The following SNX31 variants were observed in gnomAD, a reference collection of about 807,000 sequenced individuals.
The protein encoded by SNX31 is sorting nexin 31.
SNX31 carries 58 observed loss-of-function variants against 65.4 expected under a neutral mutation model. That is an observed-to-expected ratio of 0.89 (90% confidence interval 0.72 to 1.10). The LOEUF (loss-of-function observed/expected upper bound fraction) is 1.10, where lower values mean the gene tolerates loss of function less well. SNX31 is among the 50% of genes least tolerant of loss of function. SNX31 has a pLI of 0.00. For synonymous variants in SNX31, 181 were observed against 190.1 expected, an observed-to-expected ratio of 0.95 and a Z score of 0.39; for missense variants, 523 against 529.7, an observed-to-expected ratio of 0.99 and a Z score of 0.12.
At chr8:100,658,598 G>A (rs1337238870) in intron 1 of SNX31, among the ~76,000 whole-genome samples, 3 of 152,168 alleles carry the variant, frequency 2.0e-5, no homozygotes, top group African/African-American at 4.8e-5. Context: ...ACTACTGTTT[G>A]CACTTTACTG....
At position 100,612,999 on chromosome 8, in the gene SNX31, G is replaced by C. The variant is rs1335060732; in HGVS notation, c.519C>G (p.Leu173=). The C allele has an allele frequency of 1.2e-6, 2 of 1,613,666 alleles. No homozygotes were observed. The highest frequency in any genetic ancestry group is 1.7e-6 in the Non-Finnish European group (2 of 1,179,764). ...FLIRFGKEGK[L]SVVKKLADFE... The stretch of plus-strand genomic sequence containing the variant: ...CATTTGTTCCTTCCTTCTTACCAGA[G>C]AGCTTGCCCTCCTTGCCAAACCGAA... The change falls in exon 6 of 14, where the codon CTC becomes CTG. Residue 173 remains leucine, a synonymous_variant. Transcript: ENST00000311812. The surrounding 1 kb of genome is among the most constrained non-coding windows in gnomAD (Gnocchi z 4.3).
At position 100,613,230 on chromosome 8, in the gene SNX31, G is replaced by A. The variant is rs2131040782; in HGVS notation, c.433-145C>T. On this transcript the variant is annotated intron_variant, in intron 5 of 13. Transcript: ENST00000311812. This position sits in a 1 kb window ranked among gnomAD's most constrained non-coding sequence, Gnocchi z 5.2. ...GTGAACACTCAAAGAAAGCTTTTTG[G>A]AATCAAAAAATGGTATCCATCTTAG... The A allele has an allele frequency of 1.6e-6, 1 of 614,132 alleles. No individual in the cohort carries two copies. Among genetic ancestry groups the A allele is most frequent in the Non-Finnish European group, 2.9e-6 (1 of 350,858 alleles). The allele number at this position is 614,132 out of a possible 1,614,324, so 38.0% of individuals were successfully genotyped here.
rs555278613 is a variant in SNX31, at chr8:100,615,975, T to C, written c.432+1645A>G. On this transcript the variant is annotated intron_variant, in intron 5 of 13. Coordinates refer to ENST00000311812, the MANE Select transcript of SNX31 (RefSeq NM_152628.4). ...TTTTTCAGTAGAGATGTGGTCTCAC[T>C]GTGTTAGCCAGAATGGTCTCGATCT... Among the ~76,000 whole-genome samples, 731 of 152,234 alleles carry C rather than the reference T, an allele frequency of 4.8e-3. 9 individuals carry two copies. The highest frequency in any genetic ancestry group is 0.016 in the African/African-American group (661 of 41,534).
intron 4 of SNX31, among the ~76,000 whole-genome samples, chr8:100,628,670 A>T (rs1362950629): frequency 6.6e-6 from 1 of 152,142 alleles, no homozygotes; most frequent in Admixed American, 6.6e-5. Flanking sequence ...CAGCACACCA[A>T]CATGGCACAT....
intron 8 of SNX31, among the ~76,000 whole-genome samples, chr8:100,601,018 C>T (rs1815573879): frequency 6.6e-6 from 1 of 151,998 alleles, no homozygotes; most frequent in Non-Finnish European, 1.5e-5. Flanking sequence ...TGGCAATTGA[C>T]AAAATAGAGT....
chr8:100,605,726 C>G (rs1246001791), intron 8 of SNX31, among the ~76,000 whole-genome samples: 2 of 152,138 alleles, frequency 1.3e-5, no homozygotes, highest in East Asian at 3.9e-4. Context: ...TAGCTTTGAG[C>G]AGAGGAAGTA....
chr8:100,624,300 A>G (rs544639361), intron 4 of SNX31, among the ~76,000 whole-genome samples: 69 of 152,332 alleles, frequency 4.5e-4, no homozygotes, highest in African/African-American at 1.6e-3. Flanking sequence ...TAAAACGAAG[A>G]ATGAGAGATA....
Position 100,596,666 on chromosome 8 carries a change from C to G in SNX31, c.951G>C (p.Arg317Ser), listed in dbSNP as rs1409561922. The change falls in exon 10 of 14, where the codon AGG becomes AGC. Residue 317 changes from arginine to serine, a missense_variant. By Grantham distance (110) the Arg-to-Ser change is moderately radical (BLOSUM62 -1). Coordinates refer to ENST00000311812, the MANE Select transcript of SNX31 (RefSeq NM_152628.4). Reference sequence around the variant, plus strand: ...GGAAAGTGACCTGCCAGCACTTCACCCTGCTCATCTGGAAAACGATGTCCT... The same window carrying G: ...GGAAAGTGACCTGCCAGCACTTCACGCTGCTCATCTGGAAAACGATGTCCT... Reference protein sequence around the residue: ...QTQDIVFQMSRVKCWQVTFLG... With the variant: ...QTQDIVFQMSSVKCWQVTFLG... 1.2e-6 allele frequency: 2 copies of G among 1,614,140 alleles called. No individual in the cohort carries two copies. Among genetic ancestry groups the G allele is most frequent in the Non-Finnish European group, 1.7e-6 (2 of 1,180,018 alleles).
At chr8:100,605,807 G>A (rs1013613165) in intron 8 of SNX31, among the ~76,000 whole-genome samples, 2 of 152,080 alleles carry the variant, frequency 1.3e-5, no homozygotes, top group Non-Finnish European at 2.9e-5. Context: ...TATGATGCTC[G>A]AAGCTCTGAC....
intron 4 of SNX31, among the ~76,000 whole-genome samples, chr8:100,621,406 G>T (rs1404281503): frequency 6.6e-6 from 1 of 152,240 alleles, no homozygotes; most frequent in Non-Finnish European, 1.5e-5. Flanking sequence ...GTAGAAGAGA[G>T]TTAATATTTG....
At chr8:100,585,725 A>G (rs1046168002) in intron 11 of SNX31, among the ~76,000 whole-genome samples, 5 of 152,206 alleles carry the variant, frequency 3.3e-5, no homozygotes, top group African/African-American at 1.2e-4. Context: ...ATAATAAAAT[A>G]AACAACAAAA....
chr8:100,587,113 T>G (rs1018730538), intron 11 of SNX31, among the ~76,000 whole-genome samples: 1 of 152,188 alleles, frequency 6.6e-6, no homozygotes, highest in Admixed American at 6.5e-5. Context: ...CAATGGTTCA[T>G]GCTTACTCTA....
At chr8:100,623,625 A>G (rs770430490) in intron 4 of SNX31, among the ~76,000 whole-genome samples, 1 of 152,020 alleles carries the variant, frequency 6.6e-6, no homozygotes. Context: ...GCCTTGCTCT[A>G]TCTTTCTTTG....
intron 4 of SNX31, among the ~76,000 whole-genome samples, chr8:100,621,502 A>G (rs112863555): frequency 0.017 from 2,660 of 152,200 alleles, 75 homozygotes; most frequent in African/African-American, 0.061. Flanking sequence ...CAAGTTCTGA[A>G]ACCTCCATAT....
chr8:100,577,325 T>C (rs537670015), intron 12 of SNX31, among the ~76,000 whole-genome samples: 77 of 152,360 alleles, frequency 5.1e-4, no homozygotes, highest in Middle Eastern at 3.4e-3. Context: ...CCTATGGATT[T>C]TGTGATTGAA....
chr8:100,628,613 A>G (rs1359680883), intron 4 of SNX31, among the ~76,000 whole-genome samples: 1 of 152,002 alleles, frequency 6.6e-6, no homozygotes, highest in Non-Finnish European at 1.5e-5. Context: ...AGGGGGAGGG[A>G]TAGCATTAGG....
intron 1 of SNX31, among the ~76,000 whole-genome samples, chr8:100,661,687 A>G (rs3115895): frequency 0.48 from 71,504 of 149,082 alleles, 17,618 homozygotes; most frequent in African/African-American, 0.64. Flanking sequence ...ACCACCACAC[A>G]CGGCCAGTTT....
At chr8:100,663,477 T>C (rs1379704901), upstream of SNX31, 2 of 152,176 alleles carry the variant, frequency 1.3e-5, no homozygotes, top group African/African-American at 4.8e-5. Flanking sequence ...TCTTCCTCAG[T>C]TGCGAGGATA....
rs1030149014 is a variant in SNX31 at position 100,630,727 on chromosome 8, G to A, written c.257-336C>T. ...AAGAATCAGAAAGATCTTAAAACCT[G>A]CATCTAGACTCCCAGCCTAGCAAGA... On this transcript the variant is annotated intron_variant, in intron 3 of 13. Coordinates refer to ENST00000311812, the MANE Select transcript of SNX31 (RefSeq NM_152628.4). This position sits in a 1 kb window ranked among gnomAD's most constrained non-coding sequence, Gnocchi z 5.3. Among the ~76,000 whole-genome samples, 12 of 152,288 alleles carry A rather than the reference G, an allele frequency of 7.9e-5. No homozygotes were observed. The highest frequency in any genetic ancestry group is 1.3e-4 in the Admixed American group (2 of 15,296).
Sources: gnomAD v4.1 joint callset for allele counts (sites outside exome capture counted in the v4.1 genomes callset) on GRCh38, gnomAD v4.1.1 for gene constraint, Gnocchi (gnomAD v3.1) non-coding constraint, MANE v1.5 for transcripts, NCBI Gene and HGNC (gene_info 2026-07-23, HGNC 2026-07-21) for gene names.